Variants in MRPL27 observed in about 807,000 individuals in gnomAD.
MRPL27 encodes mitochondrial ribosomal protein L27, also known as large ribosomal subunit protein bL27m.
In MRPL27, 4 loss-of-function variants were observed where a neutral mutation model predicts 14.6. The observed-to-expected ratio is 0.27, with a 90% CI of 0.14 to 0.63. The LOEUF is 0.63. MRPL27 is among the 20% of genes least tolerant of loss of function. MRPL27 has a pLI of 0.85. For synonymous variants in MRPL27, 82 were observed against 75.5 expected, an observed-to-expected ratio of 1.09 and a Z score of -0.45; for missense variants, 196 against 192.8, an observed-to-expected ratio of 1.02 and a Z score of -0.10.
chr17:50,370,353 G>A, intron 2 of MRPL27, 102 bp downstream of exon 2: 2 of 1,561,736 alleles, frequency 1.3e-6, no homozygotes, highest in Non-Finnish European at 1.7e-6. Flanking sequence ...AATTATGATG[G>A]TAAGGAAGAA....
At chr17:50,373,070 C>T (rs1468602886) in intron 1 of MRPL27, 61 bp downstream of exon 1, 17 of 1,609,656 alleles carry the variant, frequency 1.1e-5, no homozygotes, top group African/African-American at 2.7e-5. Context: ...TCCTTCCCTC[C>T]CTGCTGGAGC....
At chr17:50,370,703 G>A in intron 1 of MRPL27, 117 bp from the exon 2 acceptor site, 1 of 1,416,708 alleles carries the variant, frequency 7.1e-7, no homozygotes, top group Non-Finnish European at 9.8e-7. Context: ...TGTCAGGGGA[G>A]CAGAAGTGCC....
intron 3 of MRPL27, 94 bp downstream of exon 3, chr17:50,369,938 G>A (rs1013609767): frequency 5.1e-6 from 7 of 1,364,706 alleles, no homozygotes; most frequent in Non-Finnish European, 6.2e-6. Context: ...CATTTGGTAA[G>A]CACTCAATAC....
At chr17:50,372,728 G>A (rs1261068255) in intron 1 of MRPL27, 2 of 242,370 alleles carry the variant, frequency 8.3e-6, no homozygotes, top group African/African-American at 4.5e-5. Context: ...TAGAAGCCAA[G>A]TCTTCACGTT....
intron 1 of MRPL27, among the ~76,000 whole-genome samples, chr17:50,372,368 C>T (rs2143283865): frequency 6.6e-6 from 1 of 152,246 alleles, no homozygotes; most frequent in Admixed American, 6.5e-5. Context: ...ACCTCAGCCT[C>T]CTGAGTATCT....
At position 50,373,086 on chromosome 17, in the gene MRPL27, T is replaced by C. The variant is rs1020622824; in HGVS notation, c.40+45A>G. ...CCTTCCCTCCCTGCTGGAGCTCCAC[T>C]CTGCCTCCCCGCCTCACCCCGCTCT... On this transcript the variant is annotated intron_variant, in intron 1 of 3. Coordinates refer to ENST00000225969, the MANE Select transcript of MRPL27 (RefSeq NM_016504.3). 5 of 1,612,964 alleles carry C rather than the reference T, an allele frequency of 3.1e-6. No individual in the cohort carries two copies. The Admixed American group carries it at 8.3e-5, about 27-fold the overall frequency.
chr17:50,371,457 C>G (rs1913135749), intron 1 of MRPL27, among the ~76,000 whole-genome samples: 2 of 152,336 alleles, frequency 1.3e-5, no homozygotes, highest in African/African-American at 2.4e-5. Context: ...TCTCCATACT[C>G]ATTCCAAAGT....
intron 3 of MRPL27, 136 bp from the exon 4 acceptor site, chr17:50,368,434 T>C: frequency 1.2e-6 from 1 of 843,334 alleles, no homozygotes; most frequent in Non-Finnish European, 1.9e-6. Context: ...TCAGGTTCCC[T>C]TTCCCACTGG....
At chr17:50,369,623 G>A (rs1913065986) in intron 3 of MRPL27, 1 of 204,848 alleles carries the variant, frequency 4.9e-6, no homozygotes, top group African/African-American at 2.4e-5. Context: ...TACAAAGGAA[G>A]AAGTCTTAGA....
chr17:50,371,029 G>T, intron 1 of MRPL27: 1 of 163,194 alleles, frequency 6.1e-6, no homozygotes, highest in East Asian at 1.7e-4. Flanking sequence ...CTTCACTCTT[G>T]TTGCCCAAGC....
chr17:50,370,374 C>T, intron 2 of MRPL27, 81 bp downstream of exon 2: 1 of 1,594,240 alleles, frequency 6.3e-7, no homozygotes, highest in East Asian at 2.2e-5. Flanking sequence ...CAGGGCCAGG[C>T]ACACGCAGGG....
At chr17:50,370,146 A>T in intron 2 of MRPL27, 47 bp from the exon 3 acceptor site, 1 of 1,552,748 alleles carries the variant, frequency 6.4e-7, no homozygotes, top group Non-Finnish European at 8.8e-7. Flanking sequence ...CAAACTACCA[A>T]GAAAACATGA....
intron 1 of MRPL27, chr17:50,372,836 A>G (rs980812610): frequency 4.7e-5 from 22 of 468,448 alleles, no homozygotes; most frequent in South Asian, 3.2e-4. Context: ...CCAATATGCC[A>G]ATGTTACTAA....
intron 1 of MRPL27, among the ~76,000 whole-genome samples, chr17:50,372,258 G>A (rs889670842): frequency 2.6e-5 from 4 of 150,978 alleles, no homozygotes; most frequent in East Asian, 1.9e-4. Flanking sequence ...TTTTTTTTGG[G>A]GGGGGGGGAT....
chr17:50,368,479 T>C (rs1038656376), intron 3 of MRPL27, 181 bp from the exon 4 acceptor site: 3 of 638,492 alleles, frequency 4.7e-6, no homozygotes, highest in Non-Finnish European at 8.1e-6. Flanking sequence ...CTTTATTGAC[T>C]CATAACAAAT....
In MRPL27 at chr17:50,370,049, A is replaced by T. The variant is rs1237134790; in HGVS notation, c.223T>A (p.Trp75Arg). 2 of 1,613,956 alleles carry T rather than the reference A, an allele frequency of 1.2e-6. No individual in the cohort carries two copies. Among genetic ancestry groups the T allele is most frequent in the Non-Finnish European group, 1.7e-6 (2 of 1,179,968 alleles). The change falls in exon 3 of 4, where the codon TGG becomes AGG. Residue 75 changes from tryptophan to arginine, a missense_variant. By Grantham distance (101) the Trp-to-Arg change is moderately radical. Transcript: ENST00000225969. ...CAACTCACATGGGCACCTGGGTGCC[A>T]GCGGAAATGGCGCTGTGTTGCAATG... ...NIIATQRHFRWHPGAHVGVGK... is the reference protein window; with the variant it reads ...NIIATQRHFRRHPGAHVGVGK...
chr17:50,372,254 T>G (rs562493026), intron 1 of MRPL27, among the ~76,000 whole-genome samples: 3 of 144,612 alleles, frequency 2.1e-5, no homozygotes, highest in Non-Finnish European at 4.5e-5. Flanking sequence ...TCTTTTTTTT[T>G]TGGGGGGGGG....
At chr17:50,368,842 TGA>T in intron 3 of MRPL27, 1 of 702,426 alleles carries the variant, frequency 1.4e-6, no homozygotes, top group Non-Finnish European at 2.6e-6. Context: ...TCTCACCTAG[TGA>T]AAGAGGTATT....
intron 3 of MRPL27, chr17:50,369,347 G>A (rs978636474): frequency 1.3e-5 from 2 of 157,712 alleles, no homozygotes; most frequent in Non-Finnish European, 2.8e-5. Flanking sequence ...AATAAATACA[G>A]GTTACTATCA....
Sources: allele counts gnomAD v4.1 joint callset (sites outside exome capture counted in the v4.1 genomes callset), GRCh38; gene constraint gnomAD v4.1.1; transcripts MANE v1.5; gene names NCBI Gene and HGNC (gene_info 2026-07-23, HGNC 2026-07-21).